The following SNF8 variants were observed in gnomAD, a reference collection of about 807,000 sequenced individuals.
The protein encoded by SNF8 is SNF8 subunit of ESCRT-II.
In SNF8, 19 loss-of-function variants were observed where a neutral mutation model predicts 36.8. That is an observed-to-expected ratio of 0.52 (90% CI 0.36 to 0.76). SNF8 has a LOEUF of 0.76. Among genes scored for constraint, SNF8 ranks in the 30% least tolerant of loss-of-function variants. SNF8 has a pLI of 0.00. For missense variants in SNF8, 268 were observed against 322.9 expected (o/e 0.83, Z 1.30); for synonymous variants, 127 against 127.4 (o/e 1.00, Z 0.02).
intron 6 of SNF8, chr17:48,932,920 C>A: frequency 3.1e-6 from 1 of 321,820 alleles, no homozygotes; most frequent in Non-Finnish European, 5.6e-6. Flanking sequence ...TCTGGCTACC[C>A]AAAGAAATCT....
Position 48,942,191 on chromosome 17 carries a change from A to G in SNF8, c.106-1129T>C, listed in dbSNP as rs567494434. Among the ~76,000 whole-genome samples the G allele has an allele frequency of 1.1e-4, 16 of 152,142 alleles. 1 individual carries two copies. The South Asian group carries it at 3.1e-3, about 30-fold the overall frequency. ...TCCTAATTAACAAGGACCATCTTCT[A>G]TCCCACCAAAAATAAGCACTCCTAG... On this transcript the variant is annotated intron_variant, in intron 2 of 7. Transcript: ENST00000502492.
chr17:48,940,850 TAAC>T lies in SNF8; in HGVS notation c.244+71_244+73del, dbSNP rs1309285433. The T allele has an allele frequency of 3.9e-6, 6 of 1,543,344 alleles. No individual in the cohort carries two copies. In the Admixed American group the frequency reaches 7.0e-5, roughly 18 times the overall value. ...TTTCTAGTGGATGCCCCAACAGTGG[TAAC>T]AACAACTATGTGAGCTTCTGTTCCT... On this transcript the variant is annotated intron_variant, in intron 3 of 7. Coordinates refer to ENST00000502492, the MANE Select transcript of SNF8 (RefSeq NM_007241.4).
At chr17:48,933,070 C>G (rs2040882684) in intron 6 of SNF8, 135 bp downstream of exon 6, 6 of 871,574 alleles carry the variant, frequency 6.9e-6, no homozygotes, top group Non-Finnish European at 1.0e-5. Context: ...TGAACAAGCA[C>G]AGGCCTGAGT....
chr17:48,941,109 A>G, intron 2 of SNF8, 47 bp from the exon 3 acceptor site: 1 of 1,599,606 alleles, frequency 6.3e-7, no homozygotes, highest in Non-Finnish European at 8.5e-7. Flanking sequence ...GCCAAATGAT[A>G]ATCAGATGCC....
intron 2 of SNF8, among the ~76,000 whole-genome samples, chr17:48,943,015 G>A (rs191175522): frequency 6.6e-6 from 1 of 151,896 alleles, no homozygotes; most frequent in African/African-American, 2.4e-5. Flanking sequence ...ACAGGAGCCC[G>A]CCACCACGCC....
chr17:48,936,126 A>G, intron 5 of SNF8, 44 bp downstream of exon 5: 3 of 1,425,188 alleles, frequency 2.1e-6, no homozygotes, highest in Non-Finnish European at 3.0e-6. Flanking sequence ...CTGAATTTTA[A>G]AGACCTCTTT....
rs778551680 is a variant in SNF8 at position 48,929,387 on chromosome 17, AAAGG to A, written c.*1084_*1087del. ...AGATGGGCCCAGGCTATATCCTGCT[AAAGG>A]AAGGGTCTCAGTATGGAAAAACCAT... On this transcript the variant is annotated 3_prime_UTR_variant, in exon 8 of 8. Coordinates refer to ENST00000502492, the MANE Select transcript of SNF8 (RefSeq NM_007241.4). 6.6e-6 allele frequency: 1 copy of A among 152,188 alleles called. No individual in the cohort carries two copies. The highest frequency in any genetic ancestry group is 2.4e-5 in the African/African-American group (1 of 41,434). 9.4% of individuals were successfully genotyped at this position (152,188 alleles called of 1,614,324 possible).
chr17:48,935,715 T>TA (rs977016397), intron 5 of SNF8: 1 of 153,366 alleles, frequency 6.5e-6, no homozygotes, highest in African/African-American at 2.4e-5. Context: ...CCAAGTTTGT[T>TA]AAAAAATAAT....
chr17:48,936,949 G>A (rs1220368092), intron 4 of SNF8, 71 bp downstream of exon 4: 16 of 1,148,696 alleles, frequency 1.4e-5, no homozygotes, highest in African/African-American at 6.1e-5. Context: ...GGATGGAAAC[G>A]ATAATCTTTT....
At chr17:48,938,061 G>A (rs963585994) in intron 3 of SNF8, among the ~76,000 whole-genome samples, 1 of 152,044 alleles carries the variant, frequency 6.6e-6, no homozygotes, top group Non-Finnish European at 1.5e-5. Context: ...AAATATAATG[G>A]GAAATATGGT....
chr17:48,940,769 G>A (rs1374200326), intron 3 of SNF8, among the ~76,000 whole-genome samples, 155 bp downstream of exon 3: 2 of 152,112 alleles, frequency 1.3e-5, no homozygotes, highest in African/African-American at 2.4e-5. Context: ...CAGCCTGGGC[G>A]ACAGAGCAAA....
chr17:48,944,556 C>T, intron 1 of SNF8, 125 bp downstream of exon 1: 1 of 1,095,436 alleles, frequency 9.1e-7, no homozygotes, highest in Non-Finnish European at 1.4e-6. Context: ...AATTCTGTGT[C>T]CCGGGGCCGA....
chr17:48,932,408 C>G lies in SNF8; in HGVS notation c.565-691G>C, dbSNP rs561999421. 2.0e-5 allele frequency: 3 copies of G among 152,274 alleles called. No individual in the cohort carries two copies. The East Asian group carries it at 5.8e-4, about 29-fold the overall frequency. 9.4% of individuals were successfully genotyped at this position (152,274 alleles called of 1,614,324 possible). ...TGCCCTGCCTCATTCTACTCATCCT[C>G]CAATACAGAAAAGCCCCTCCCTTAT... On this transcript the variant is annotated intron_variant, in intron 6 of 7. Transcript: ENST00000502492.
rs1435938366 is a variant in SNF8, at chr17:48,939,490, C to T, written c.244+1434G>A. Among the ~76,000 whole-genome samples the T allele has an allele frequency of 4.2e-5, 6 of 142,174 alleles. No homozygotes were observed. In the East Asian group the frequency reaches 1.1e-3, roughly 26 times the overall value. The allele number at this position is 142,174 out of a possible 152,430, so 93.3% of individuals were successfully genotyped here. A position where few individuals can be genotyped will look rare whatever the true frequency, so the allele number is the denominator to read the frequency against. On this transcript the variant is annotated intron_variant, in intron 3 of 7. Coordinates refer to ENST00000502492, the MANE Select transcript of SNF8 (RefSeq NM_007241.4). ...TTTTTTTTTTGGGGGGATGGAGTCT[C>T]GCTCTGTTGCCTGGGCTGTTGTGCA...
chr17:48,933,397 AAC>A (rs770536477), intron 5 of SNF8, 51 bp from the exon 6 acceptor site: 109 of 1,607,460 alleles, frequency 6.8e-5, no homozygotes, highest in Non-Finnish European at 8.4e-5. Context: ...CAGACCTAAC[AAC>A]ACAGTTTCAG....
chr17:48,944,132 C>CT (rs1385346499), intron 1 of SNF8, 157 bp from the exon 2 acceptor site: 1 of 617,290 alleles, frequency 1.6e-6, no homozygotes, highest in Non-Finnish European at 2.8e-6. Flanking sequence ...GAAACCCCGT[C>CT]TCTACTAAAA....
At chr17:48,936,026 T>G in intron 5 of SNF8, 144 bp downstream of exon 5, 2 of 577,440 alleles carry the variant, frequency 3.5e-6, no homozygotes, top group Non-Finnish European at 3.0e-6. Flanking sequence ...TTTTGTTTGT[T>G]TTTTGTTTTT....
rs545802524 is a variant in SNF8, at chr17:48,944,778, G to C, written c.-44C>G. On this transcript the variant is annotated 5_prime_UTR_variant, in exon 1 of 8. Transcript: ENST00000502492. Reference sequence around the variant, plus strand: ...GGCCGCCCGGCTGCCGGGACCCCGGGTCTCCACGTCCCGGACTCCGCCGCC... The same window carrying C: ...GGCCGCCCGGCTGCCGGGACCCCGGCTCTCCACGTCCCGGACTCCGCCGCC... 13 of 1,572,026 alleles carry C rather than the reference G, an allele frequency of 8.3e-6. No individual in the cohort carries two copies. The African/African-American group carries it at 1.5e-4, about 19-fold the overall frequency.
intron 3 of SNF8, among the ~76,000 whole-genome samples, chr17:48,940,378 T>A (rs2041001348): frequency 6.6e-6 from 1 of 151,852 alleles, no homozygotes; most frequent in African/African-American, 2.4e-5. Context: ...GAAAATGCCA[T>A]AAAAAATTCT....
Sources: gnomAD v4.1 joint callset for allele counts (sites outside exome capture counted in the v4.1 genomes callset) on GRCh38, gnomAD v4.1.1 for gene constraint, MANE v1.5 for transcripts, NCBI Gene and HGNC (gene_info 2026-07-23, HGNC 2026-07-21) for gene names.